WIPI2: variants seen among roughly 807,000 people sequenced by gnomAD.
The protein encoded by WIPI2 is WD repeat domain phosphoinositide-interacting protein 2.
In WIPI2, 28 loss-of-function variants were observed where a neutral mutation model predicts 52.3. That is an observed-to-expected ratio of 0.54 (90% CI 0.40 to 0.73). The LOEUF (loss-of-function observed/expected upper bound fraction) is 0.73, where lower values mean the gene tolerates loss of function less well. WIPI2 is among the 30% of genes least tolerant of loss of function. The pLI is 0.00. For missense variants in WIPI2, 506 were observed against 602.9 expected (o/e 0.84, Z 1.68); for synonymous variants, 268 against 245.0 (o/e 1.09, Z -0.88).
Position 5,227,705 on chromosome 7 carries a change from A to G in WIPI2, c.1013+361A>G, listed in dbSNP as rs903031401. ...CAGGGTCTGGCCTCAGAACACACAC[A>G]GGGCCTGTGGAGGTTCTGTGCTGCG... On this transcript the variant is annotated intron_variant, in intron 10 of 12. Transcript: ENST00000288828. This position sits in a 1 kb window ranked among gnomAD's most constrained non-coding sequence, Gnocchi z 8.1. 1.3e-5 allele frequency among the ~76,000 whole-genome samples: 2 copies of G among 152,166 alleles called. No homozygotes were observed. The highest frequency in any genetic ancestry group is 6.5e-5 in the Admixed American group (1 of 15,268).
intron 2 of WIPI2, among the ~76,000 whole-genome samples, chr7:5,194,787 C>T (rs1021854758): frequency 7.2e-5 from 11 of 152,164 alleles, no homozygotes; most frequent in Admixed American, 4.6e-4. Flanking sequence ...TTTTAAAAGG[C>T]TTAAACTCAT....
intron 3 of WIPI2, among the ~76,000 whole-genome samples, chr7:5,202,972 T>C (rs1266098373): frequency 1.3e-5 from 2 of 152,234 alleles, no homozygotes; most frequent in African/African-American, 2.4e-5. Context: ...CTAAACTGGA[T>C]TCTGAGCTAG....
rs7798438 is a variant in WIPI2 at position 5,199,467 on chromosome 7, G to A, written c.129-109G>A. 38 of 840,842 alleles carry A rather than the reference G, an allele frequency of 4.5e-5. No homozygotes were observed. In the African/African-American group the frequency reaches 6.5e-4, roughly 14 times the overall value. 52.1% of individuals were successfully genotyped at this position (840,842 alleles called of 1,614,324 possible). ...GATTTGCTCTGTGCTGATTTGTGGA[G>A]GGCACGCGGGGAACTTGCTGGGAAC... On this transcript the variant is annotated intron_variant, in intron 2 of 12. Coordinates refer to ENST00000288828, the MANE Select transcript of WIPI2 (RefSeq NM_015610.4).
intron 11 of WIPI2, chr7:5,229,319 CTGA>C: frequency 3.8e-6 from 1 of 262,972 alleles, no homozygotes; most frequent in African/African-American, 2.3e-5. Context: ...CCGGGCTAGC[CTGA>C]CTTTTTTTGT....
chr7:5,202,862 A>G (rs1782098500), intron 3 of WIPI2, among the ~76,000 whole-genome samples: 1 of 152,242 alleles, frequency 6.6e-6, no homozygotes, highest in African/African-American at 2.4e-5. Flanking sequence ...ACTGTTAGGC[A>G]AAATAAATGA....
rs554375199 is a variant in WIPI2, at chr7:5,213,650, G to A, written c.212-885G>A. 7.5e-5 allele frequency among the ~76,000 whole-genome samples: 11 copies of A among 146,452 alleles called. No homozygotes were observed. In the South Asian group the frequency reaches 2.0e-3, roughly 27 times the overall value. On this transcript the variant is annotated intron_variant, in intron 3 of 12. Coordinates refer to ENST00000288828, the MANE Select transcript of WIPI2 (RefSeq NM_015610.4). ...GTGTTTGCACGACACAATTGCCTAC[G>A]GGGCTTTTCTTTGTTTTGTTGTTGT... is the stretch of plus-strand genomic sequence containing the variant.
At chr7:5,204,164 A>G (rs1334725196) in intron 3 of WIPI2, among the ~76,000 whole-genome samples, 1 of 152,044 alleles carries the variant, frequency 6.6e-6, no homozygotes, top group East Asian at 1.9e-4. Context: ...ATGTATATTT[A>G]TATGTTTGAA....
At chr7:5,210,019 T>C (rs990582024) in intron 3 of WIPI2, among the ~76,000 whole-genome samples, 3 of 152,158 alleles carry the variant, frequency 2.0e-5, no homozygotes, top group Non-Finnish European at 4.4e-5. Flanking sequence ...CTGATGCTCC[T>C]GCCTCAGCCT....
intron 4 of WIPI2, chr7:5,216,188 G>GTGTTCTAGAAGGAACTAAGATTT (rs1782801524): frequency 7.2e-6 from 1 of 139,094 alleles, no homozygotes; most frequent in African/African-American, 2.7e-5. Flanking sequence ...AACTAAGATT[G>GTGTTCTAGAAGGAACTAAGATTT]TGAAGCCAAC....
intron 2 of WIPI2, among the ~76,000 whole-genome samples, chr7:5,193,952 G>C (rs1273051226): frequency 6.6e-6 from 1 of 152,184 alleles, no homozygotes; most frequent in African/African-American, 2.4e-5. Flanking sequence ...TATGTTTGAG[G>C]AGGGCAGGGG....
intron 3 of WIPI2, among the ~76,000 whole-genome samples, chr7:5,200,749 G>C (rs1562387387): frequency 6.6e-6 from 1 of 152,116 alleles, no homozygotes; most frequent in Non-Finnish European, 1.5e-5. Context: ...CTGGGCCCTG[G>C]CCTCCTCTCT....
rs1781437425 is a variant in WIPI2, at chr7:5,190,713, A to T, written c.74+220A>T. ...CCTGGAGCTGCGGTCCCGGAGCGGG[A>T]GAGGTGGTGGAGAGGGGGCTGCTTT... On this transcript the variant is annotated intron_variant, in intron 1 of 12. Transcript: ENST00000288828. 7.5e-6 allele frequency: 3 copies of T among 401,322 alleles called. No homozygotes were observed. The South Asian group carries it at 2.4e-4, about 32-fold the overall frequency. 24.9% of individuals were successfully genotyped at this position (401,322 alleles called of 1,614,324 possible). A position where few individuals can be genotyped will look rare whatever the true frequency, so the allele number is the denominator to read the frequency against.
At chr7:5,201,802 A>G (rs868539399) in intron 3 of WIPI2, among the ~76,000 whole-genome samples, 1 of 152,230 alleles carries the variant, frequency 6.6e-6, no homozygotes, top group Non-Finnish European at 1.5e-5. Context: ...AGGTGGGTGC[A>G]TGAATGTCTG....
intron 3 of WIPI2, among the ~76,000 whole-genome samples, chr7:5,210,954 G>A (rs144286998): frequency 1.3e-3 from 197 of 152,252 alleles, no homozygotes; most frequent in Non-Finnish European, 2.2e-3. Flanking sequence ...TGCTTTCTCC[G>A]CGGGGTACAT....
In WIPI2 at chr7:5,190,512, G is replaced by A. The variant is rs1273564932; in HGVS notation, c.74+19G>A. The A allele has an allele frequency of 1.3e-6, 2 of 1,490,622 alleles. No homozygotes were observed. Among genetic ancestry groups the A allele is most frequent in the Non-Finnish European group, 9.0e-7 (1 of 1,117,024 alleles). The allele number at this position is 1,490,622 out of a possible 1,614,324, so 92.3% of individuals were successfully genotyped here. The stretch of plus-strand genomic sequence containing the variant: ...ACAACACGTAAGGCCGGGGTCGGGG[G>A]TCGGAGTCGGGGTGAGGCCAGGGTC... On this transcript the variant is annotated intron_variant, in intron 1 of 12. Coordinates refer to ENST00000288828, the MANE Select transcript of WIPI2 (RefSeq NM_015610.4).
chr7:5,207,795 A>C (rs532211757), intron 3 of WIPI2, among the ~76,000 whole-genome samples: 3 of 111,412 alleles, frequency 2.7e-5, no homozygotes, highest in South Asian at 5.8e-4. Context: ...TTTTTGAGAG[A>C]GTCTCTGTCG....
Position 5,221,952 on chromosome 7 carries a change from T to TTA in WIPI2, c.670-649_670-648insAT, listed in dbSNP as rs1491245743. On this transcript the variant is annotated intron_variant, in intron 7 of 12. Coordinates refer to ENST00000288828, the MANE Select transcript of WIPI2 (RefSeq NM_015610.4). ...TACCACACACAAATCCAGGCTTTTA[T>TTA]TTTTTTTTTTTTTCCCCCCCCGAGA... 7.7e-3 allele frequency among the ~76,000 whole-genome samples: 206 copies of TTA among 26,802 alleles called. 1 individual carries two copies. The highest frequency in any genetic ancestry group is 0.047 in the African/African-American group (191 of 4,026). 17.6% of individuals were successfully genotyped at this position (26,802 alleles called of 152,430 possible). A position where few individuals can be genotyped will look rare whatever the true frequency, so the allele number is the denominator to read the frequency against.
At chr7:5,224,711 C>T (rs145938553) in intron 8 of WIPI2, among the ~76,000 whole-genome samples, 1 of 152,202 alleles carries the variant, frequency 6.6e-6, no homozygotes, top group African/African-American at 2.4e-5. Context: ...GTTCATTGAT[C>T]TGTGTGGGGC....
In WIPI2 at chr7:5,232,645, G is replaced by C. The variant is rs549020029; in HGVS notation, c.*1698G>C. 2 of 241,488 alleles carry C rather than the reference G, an allele frequency of 8.3e-6. No homozygotes were observed. Among genetic ancestry groups the C allele is most frequent in the South Asian group, 1.8e-4 (1 of 5,608 alleles). The allele number at this position is 241,488 out of a possible 1,614,324, so 15.0% of individuals were successfully genotyped here. Reference sequence around the variant, plus strand: ...GCGGCAGCACGCAGCCTTGACCCACGCCTGCGTCTTGTGGTGCAAGGCCAG... The same window carrying C: ...GCGGCAGCACGCAGCCTTGACCCACCCCTGCGTCTTGTGGTGCAAGGCCAG... On this transcript the variant is annotated 3_prime_UTR_variant, in exon 13 of 13. Transcript: ENST00000288828.
Sources: gnomAD v4.1 joint callset for allele counts (sites outside exome capture counted in the v4.1 genomes callset) on GRCh38, gnomAD v4.1.1 for gene constraint, Gnocchi (gnomAD v3.1) non-coding constraint, MANE v1.5 for transcripts, NCBI Gene and HGNC (gene_info 2026-07-23, HGNC 2026-07-21) for gene names.